The following PKD1L1 variants were observed in gnomAD, a reference collection of about 807,000 sequenced individuals.
PKD1L1 encodes polycystin 1 like 1, transient receptor potential channel interacting.
A neutral mutation model predicts 323.4 loss-of-function variants in PKD1L1; 236 were observed. The observed-to-expected ratio is 0.73, with a 90% CI of 0.66 to 0.81. PKD1L1 has a LOEUF of 0.81. Ranked by LOEUF, PKD1L1 falls within the 40% of genes least tolerant of loss-of-function variation. The pLI is 0.00. For missense variants in PKD1L1, 3,320 were observed against 3,508.0 expected, an observed-to-expected ratio of 0.95 and a Z score of 1.35; for synonymous variants, 1,344 against 1,335.0, an observed-to-expected ratio of 1.01 and a Z score of -0.15.
intron 45 of PKD1L1, among the ~76,000 whole-genome samples, chr7:47,826,240 C>A (rs1431415324): frequency 6.6e-6 from 1 of 152,144 alleles, no homozygotes; most frequent in African/African-American, 2.4e-5. Context: ...CTGGTTGGTC[C>A]CCACCTGAGT....
At chr7:47,948,002 C>T (rs1188810194) in intron 1 of PKD1L1, among the ~76,000 whole-genome samples, 2 of 152,204 alleles carry the variant, frequency 1.3e-5, no homozygotes, top group African/African-American at 4.8e-5. Context: ...GGCCAAGACC[C>T]CATGATCTCT....
chr7:47,815,078 A>G (rs1275878415), intron 47 of PKD1L1, among the ~76,000 whole-genome samples: 1 of 152,036 alleles, frequency 6.6e-6, no homozygotes, highest in African/African-American at 2.4e-5. Flanking sequence ...CCTTGTGTCT[A>G]TCTCAGGCCT....
intron 53 of PKD1L1, among the ~76,000 whole-genome samples, chr7:47,801,534 C>T (rs768002241): frequency 6.6e-6 from 1 of 152,152 alleles, no homozygotes; most frequent in Non-Finnish European, 1.5e-5. Context: ...CCACATGGGG[C>T]TGTGTGTGTA....
At chr7:47,842,504 C>G (rs371485351) in intron 34 of PKD1L1, among the ~76,000 whole-genome samples, 28 of 152,280 alleles carry the variant, frequency 1.8e-4, no homozygotes, top group African/African-American at 6.7e-4. Flanking sequence ...CTGCAGACCT[C>G]ACCTCCACAG....
intron 43 of PKD1L1, 91 bp from the exon 44 acceptor site, chr7:47,829,692 G>C: frequency 6.8e-6 from 9 of 1,314,606 alleles, no homozygotes; most frequent in Non-Finnish European, 9.3e-6. Flanking sequence ...ATCATGAACA[G>C]GACTCCATCT....
chr7:47,900,532 C>T (rs1286485507), intron 13 of PKD1L1, among the ~76,000 whole-genome samples: 2 of 152,114 alleles, frequency 1.3e-5, no homozygotes, highest in African/African-American at 4.8e-5. Context: ...AGTTCAAGAC[C>T]AGCCTGACCA....
chr7:47,843,022 A>G lies in PKD1L1; in HGVS notation c.5385T>C (p.His1795=), dbSNP rs765963168. Residue 1795 remains histidine, a synonymous_variant, in exon 34 of 57, where the codon CAT becomes CAC. Coordinates refer to ENST00000289672, the MANE Select transcript of PKD1L1 (RefSeq NM_138295.5). ...TGTCAATGACGACCGCATATAGCTGATGGCCCGGCAGGGAAGCTTCTTGCA... is the reference window on the plus strand; with the variant it reads ...TGTCAATGACGACCGCATATAGCTGGTGGCCCGGCAGGGAAGCTTCTTGCA... ...IFLQEASLPG[H]QLYAVVIDTG... The G allele has an allele frequency of 1.9e-6, 3 of 1,613,982 alleles. No homozygotes were observed. Among genetic ancestry groups the G allele is most frequent in the Non-Finnish European group, 2.5e-6 (3 of 1,179,894 alleles).
chr7:47,873,152 G>C (rs1786319190), intron 24 of PKD1L1, among the ~76,000 whole-genome samples: 1 of 152,092 alleles, frequency 6.6e-6, no homozygotes, highest in African/African-American at 2.4e-5. Context: ...GTTGTCCGGG[G>C]CCGGTGGGAG....
chr7:47,900,156 G>C (rs1272245339), intron 13 of PKD1L1, among the ~76,000 whole-genome samples: 1 of 152,078 alleles, frequency 6.6e-6, no homozygotes, highest in Admixed American at 6.6e-5. Context: ...TCACAAAACT[G>C]CCCAGATTTA....
Position 47,812,068 on chromosome 7 carries a change from A to G in PKD1L1, c.7347-17T>C, listed in dbSNP as rs1414799181. The G allele has an allele frequency of 2.3e-5, 36 of 1,549,444 alleles. No homozygotes were observed. Among genetic ancestry groups the G allele is most frequent in the Non-Finnish European group, 2.9e-5 (33 of 1,144,474 alleles). ...GCTTCAGTCCTGTAAAACAGCACACACTGGGGTAGGGCAGGGCAGGGAGAA... is the reference window on the plus strand; with the variant it reads ...GCTTCAGTCCTGTAAAACAGCACACGCTGGGGTAGGGCAGGGCAGGGAGAA... On this transcript the variant is annotated splice_polypyrimidine_tract_variant and intron_variant, in intron 49 of 56. Coordinates refer to ENST00000289672, the MANE Select transcript of PKD1L1 (RefSeq NM_138295.5).
At chr7:47,904,706 A>T in intron 11 of PKD1L1, 89 bp from the exon 12 acceptor site, 8 of 1,370,354 alleles carry the variant, frequency 5.8e-6, no homozygotes, top group South Asian at 1.4e-5. Flanking sequence ...ATACTTTAAG[A>T]GGAAGGCGGG....
the PKD1L1 span, among the ~76,000 whole-genome samples, chr7:47,959,726 G>C: frequency 7.2e-6 from 1 of 139,840 alleles, no homozygotes; most frequent in African/African-American, 2.6e-5. Flanking sequence ...CCAGCCAGCC[G>C]CCCCGTCCGG....
chr7:47,915,417 C>T lies in PKD1L1; in HGVS notation c.1228+15G>A, dbSNP rs1459707301. ...GCCCACTCCTTGTGGCCTCTTTTTGCTTTTAAAAACATACTGGTGACAAAG... is the reference window on the plus strand; with the variant it reads ...GCCCACTCCTTGTGGCCTCTTTTTGTTTTTAAAAACATACTGGTGACAAAG... On this transcript the variant is annotated intron_variant, in intron 8 of 56. Coordinates refer to ENST00000289672, the MANE Select transcript of PKD1L1 (RefSeq NM_138295.5). 1.2e-6 allele frequency: 1 copy of T among 846,438 alleles called. No homozygotes were observed. The highest frequency in any genetic ancestry group is 2.1e-6 in the Non-Finnish European group (1 of 478,690). 52.4% of individuals were successfully genotyped at this position (846,438 alleles called of 1,614,324 possible). A position where few individuals can be genotyped will look rare whatever the true frequency, so the allele number is the denominator to read the frequency against.
rs575013476 is a variant in PKD1L1 at position 47,882,318 on chromosome 7, C to T, written c.3266-233G>A. ...CCTCCCTCCCTCCCTTCCTATCTTC[C>T]TTCCTTCCTTCTGCAAGATTTATTA... On this transcript the variant is annotated intron_variant, in intron 19 of 56. Transcript: ENST00000289672. Among the ~76,000 whole-genome samples the T allele has an allele frequency of 9.0e-5, 13 of 144,646 alleles. No individual in the cohort carries two copies. The East Asian group carries it at 3.0e-3, about 33-fold the overall frequency. The allele number at this position is 144,646 out of a possible 152,430, so 94.9% of individuals were successfully genotyped here. A position where few individuals can be genotyped will look rare whatever the true frequency, so the allele number is the denominator to read the frequency against.
At chr7:47,847,496 G>A (rs1057259723) in intron 31 of PKD1L1, among the ~76,000 whole-genome samples, 2 of 152,058 alleles carry the variant, frequency 1.3e-5, no homozygotes, top group African/African-American at 4.8e-5. Flanking sequence ...TATACCCAGG[G>A]TCTAAACCCA....
Position 47,803,198 on chromosome 7 carries a change from G to A in PKD1L1, c.7962+12C>T, listed in dbSNP as rs200294826. On this transcript the variant is annotated intron_variant, in intron 53 of 56. Transcript: ENST00000289672. ...ACAAGGGAAATCACCTGATAAAGGG[G>A]AGAGTTCTTACCCCTGCTACAAAGA... 4 of 1,613,920 alleles carry A rather than the reference G, an allele frequency of 2.5e-6. No homozygotes were observed. The African/African-American group carries it at 4.0e-5, about 16-fold the overall frequency.
intron 55 of PKD1L1, among the ~76,000 whole-genome samples, chr7:47,794,222 G>A (rs143149067): frequency 2.2e-3 from 329 of 152,238 alleles, no homozygotes; most frequent in African/African-American, 7.8e-3. Context: ...GGAAAATGTC[G>A]CCAAGTCATG....
Position 47,812,468 on chromosome 7 carries a change from G to C in PKD1L1, c.7347-417C>G, listed in dbSNP as rs182597070. Among the ~76,000 whole-genome samples, 33 of 152,260 alleles carry C rather than the reference G, an allele frequency of 2.2e-4. No homozygotes were observed. The East Asian group carries it at 6.4e-3, about 29-fold the overall frequency. ...GAAGGCAGTTACTAAATACTAACTC[G>C]TATTTAGTAACAATTAAATCATTTC... is the stretch of plus-strand genomic sequence containing the variant. On this transcript the variant is annotated intron_variant, in intron 49 of 56. Transcript: ENST00000289672.
rs1432012189 is a variant in PKD1L1, at chr7:47,946,197, G to A, written c.44+2200C>T. On this transcript the variant is annotated intron_variant, in intron 1 of 56. Transcript: ENST00000289672. This position sits in a 1 kb window ranked among gnomAD's most constrained non-coding sequence, Gnocchi z 4.1. Reference sequence around the variant, plus strand: ...GGATGATACTGATGGCTCAAACACAGTCTCTGAGGCATCATGTGCCTCAAG... The same window carrying A: ...GGATGATACTGATGGCTCAAACACAATCTCTGAGGCATCATGTGCCTCAAG... Among the ~76,000 whole-genome samples the A allele has an allele frequency of 3.3e-5, 5 of 152,130 alleles. No individual in the cohort carries two copies. The highest frequency in any genetic ancestry group is 6.6e-5 in the Admixed American group (1 of 15,266).
Sources: allele counts gnomAD v4.1 joint callset (sites outside exome capture counted in the v4.1 genomes callset), GRCh38; gene constraint gnomAD v4.1.1; non-coding constraint Gnocchi (gnomAD v3.1); transcripts MANE v1.5; gene names NCBI Gene and HGNC (gene_info 2026-07-23, HGNC 2026-07-21).